The following CALCR variants were observed in gnomAD, a reference collection of about 807,000 sequenced individuals.
CALCR encodes the protein calcitonin receptor.
In CALCR, 47 loss-of-function variants were observed where a neutral mutation model predicts 59.5. That is an observed-to-expected ratio of 0.79 (90% CI 0.63 to 1.01). The LOEUF (loss-of-function observed/expected upper bound fraction) is 1.01. Ranked by LOEUF, CALCR falls within the 50% of genes least tolerant of loss-of-function variation. CALCR has a pLI of 0.00. For missense variants in CALCR, 566 were observed against 597.1 expected, an observed-to-expected ratio of 0.95 and a Z score of 0.54; for synonymous variants, 213 against 211.3, an observed-to-expected ratio of 1.01 and a Z score of -0.07.
Position 93,426,441 on chromosome 7 carries a change from A to G in CALCR, c.1340T>C (p.Leu447Pro), listed in dbSNP as rs1801197. 0.31 allele frequency: 503,017 copies of G among 1,612,250 alleles called. 92,486 individuals carry two copies. Among genetic ancestry groups the G allele is most frequent in the East Asian group, 0.87 (39,124 of 44,798 alleles). ...DIPIYICHQE[L>P]RNEPANNQGE... ...TTGGTTGTTGGCTGGTTCATTCCTC[A>G]GCTCCTGATGGCAGATGTAAATTGG... Residue 447 changes from leucine (L) to proline (P), a missense_variant, in exon 14 of 14, where the codon CTG (leucine) becomes CCG (proline). By Grantham distance (98) the Leu-to-Pro change is moderately conservative (BLOSUM62 -3). Coordinates refer to ENST00000426151, the MANE Select transcript of CALCR (RefSeq NM_001742.4).
intron 2 of CALCR, among the ~76,000 whole-genome samples, chr7:93,496,378 A>G (rs961390030): frequency 1.3e-5 from 2 of 151,496 alleles, no homozygotes; most frequent in Non-Finnish European, 3.0e-5. Flanking sequence ...TTATGGTGTG[A>G]TAACAATTAA....
intron 4 of CALCR, among the ~76,000 whole-genome samples, chr7:93,477,984 A>T (rs868096377): frequency 2.4e-4 from 36 of 149,580 alleles, no homozygotes; most frequent in African/African-American, 8.1e-4. Context: ...AAAAAAAAAA[A>T]AAAAAAAAAA....
intron 3 of CALCR, chr7:93,482,839 A>C: frequency 1.9e-6 from 1 of 533,598 alleles, no homozygotes; most frequent in South Asian, 1.4e-5. Flanking sequence ...AGATTGTTTC[A>C]ACACTGAAGG....
intron 12 of CALCR, among the ~76,000 whole-genome samples, chr7:93,435,738 G>A (rs1389260435): frequency 1.3e-5 from 2 of 151,564 alleles, no homozygotes; most frequent in East Asian, 1.9e-4. Flanking sequence ...CCCGGGAGAT[G>A]GAGGTTGCAG....
intron 2 of CALCR, among the ~76,000 whole-genome samples, chr7:93,491,680 G>A (rs1202226020): frequency 1.3e-5 from 2 of 151,986 alleles, no homozygotes; most frequent in Non-Finnish European, 2.9e-5. Context: ...TTACAGAAAT[G>A]TAAATCAAAA....
chr7:93,480,434 T>A (rs546276697), intron 3 of CALCR, among the ~76,000 whole-genome samples: 1 of 151,862 alleles, frequency 6.6e-6, no homozygotes, highest in African/African-American at 2.4e-5. Flanking sequence ...TGACTTTCCT[T>A]TTTCTAAATT....
intron 3 of CALCR, among the ~76,000 whole-genome samples, chr7:93,485,875 G>A (rs1319140611): frequency 5.9e-5 from 9 of 151,486 alleles, no homozygotes; most frequent in African/African-American, 1.9e-4. Context: ...GTGCAAAAGG[G>A]TTGCATTAAT....
At chr7:93,571,406 AT>A (rs1217656750) in intron 2 of CALCR, among the ~76,000 whole-genome samples, 7 of 152,178 alleles carry the variant, frequency 4.6e-5, no homozygotes, top group Admixed American at 2.6e-4. Flanking sequence ...ATTTAAAAAA[AT>A]ATAACACATA....
At chr7:93,440,545 C>CTGTGTGTGTG (rs71528068) in intron 9 of CALCR, among the ~76,000 whole-genome samples, 8 of 150,258 alleles carry the variant, frequency 5.3e-5, no homozygotes, top group Non-Finnish European at 1.0e-4. Context: ...GTGTGTGTGT[C>CTGTGTGTGTG]TGTGTGTGTG....
At chr7:93,519,630 AAT>A (rs1219818592) in intron 2 of CALCR, among the ~76,000 whole-genome samples, 1 of 152,074 alleles carries the variant, frequency 6.6e-6, no homozygotes, top group African/African-American at 2.4e-5. Context: ...ATTCTGTTAT[AAT>A]ATAGTCTGTG....
In CALCR at chr7:93,521,743, A is replaced by C. The variant is rs139476714; in HGVS notation, c.-26-34736T>G. On this transcript the variant is annotated intron_variant, in intron 2 of 13. Coordinates refer to ENST00000426151, the MANE Select transcript of CALCR (RefSeq NM_001742.4). ...TATGAAGATGCATAGATATTGCCAT[A>C]TGTATTACATATCTATTAATACTAT... 3.0e-3 allele frequency among the ~76,000 whole-genome samples: 454 copies of C among 152,300 alleles called. 1 individual carries two copies. Among genetic ancestry groups the C allele is most frequent in the African/African-American group, 0.011 (438 of 41,578 alleles).
At chr7:93,497,368 C>T (rs1801230729) in intron 2 of CALCR, among the ~76,000 whole-genome samples, 1 of 151,590 alleles carries the variant, frequency 6.6e-6, no homozygotes, top group East Asian at 1.9e-4. Context: ...ATCTAATTAG[C>T]ATTTAATAGT....
chr7:93,474,476 C>T (rs1800623342), intron 5 of CALCR, among the ~76,000 whole-genome samples: 1 of 151,456 alleles, frequency 6.6e-6, no homozygotes, highest in Non-Finnish European at 1.5e-5. Flanking sequence ...TTCCAGTGAC[C>T]TAAAGAATTT....
chr7:93,470,576 G>C (rs1245115098), intron 6 of CALCR, among the ~76,000 whole-genome samples: 1 of 151,352 alleles, frequency 6.6e-6, no homozygotes, highest in East Asian at 1.9e-4. Context: ...CTGAAATAGA[G>C]TTGTCTAAAT....
At chr7:93,573,390 G>A (rs981662575) in intron 2 of CALCR, among the ~76,000 whole-genome samples, 1 of 152,248 alleles carries the variant, frequency 6.6e-6, no homozygotes, top group African/African-American at 2.4e-5. Context: ...TTCAATCACC[G>A]AATAATTTCA....
At chr7:93,454,905 G>A (rs1255980157) in intron 8 of CALCR, among the ~76,000 whole-genome samples, 1 of 140,382 alleles carries the variant, frequency 7.1e-6, no homozygotes, top group Non-Finnish European at 1.5e-5. Flanking sequence ...TGACAGTGAG[G>A]ACAGGGCATT....
At chr7:93,497,622 A>G (rs1801236471) in intron 2 of CALCR, among the ~76,000 whole-genome samples, 1 of 151,548 alleles carries the variant, frequency 6.6e-6, no homozygotes, top group Non-Finnish European at 1.5e-5. Flanking sequence ...TTTCTGTTTT[A>G]ACAATATCCC....
chr7:93,485,053 T>C (rs1326549955), intron 3 of CALCR, among the ~76,000 whole-genome samples: 5 of 151,744 alleles, frequency 3.3e-5, no homozygotes, highest in South Asian at 2.1e-4. Flanking sequence ...TCGGATTAAT[T>C]AGGAACATTG....
intron 2 of CALCR, among the ~76,000 whole-genome samples, chr7:93,506,447 A>C (rs1460520635): frequency 6.6e-6 from 1 of 152,146 alleles, no homozygotes; most frequent in Non-Finnish European, 1.5e-5. Flanking sequence ...GCAGTCACAG[A>C]GGTAGTGTTT....
Sources: allele counts gnomAD v4.1 joint callset (sites outside exome capture counted in the v4.1 genomes callset), GRCh38; gene constraint gnomAD v4.1.1; transcripts MANE v1.5; gene names NCBI Gene and HGNC (gene_info 2026-07-23, HGNC 2026-07-21).